TIMM22: variants seen among roughly 807,000 people sequenced by gnomAD.
TIMM22 encodes the protein translocase of inner mitochondrial membrane 22.
A neutral mutation model predicts 18.3 loss-of-function variants in TIMM22; 12 were observed. That is an observed-to-expected ratio of 0.65 (90% CI 0.42 to 1.06). TIMM22 has a LOEUF of 1.06. TIMM22 is among the 50% of genes least tolerant of loss of function. The probability of loss-of-function intolerance (pLI) is 0.00; values close to 1 mark genes in which losing one functional copy is unlikely to be tolerated. For missense variants in TIMM22, 278 were observed against 252.8 expected, an observed-to-expected ratio of 1.10 and a Z score of -0.68; for synonymous variants, 107 against 98.5, an observed-to-expected ratio of 1.09 and a Z score of -0.51.
chr17:1,001,007 G>T lies in TIMM22; in HGVS notation c.509-5G>T. 1 of 1,614,004 alleles carries T rather than the reference G, an allele frequency of 6.2e-7. No homozygotes were observed. The highest frequency in any genetic ancestry group is 1.1e-5 in the South Asian group (1 of 91,050). ...CAGGTCATGTTCTTTCTGTTTGTTT[G>T]ACAGCTGGCTTAAAGGCTGGGGCCA... On this transcript the variant is annotated splice_region_variant and splice_polypyrimidine_tract_variant and intron_variant, in intron 3 of 3. Transcript: ENST00000327158.
chr17:1,001,174 TGCTTCAGGGCCTG>T lies in TIMM22; in HGVS notation c.*87_*99del, dbSNP rs2069741207. ...CAGTTTCTGTACCACACCAGGGCCT[TGCTTCAGGGCCTG>T]AAGACATTCATTTTCCCTCATGTCG... On this transcript the variant is annotated 3_prime_UTR_variant, in exon 4 of 4. Coordinates refer to ENST00000327158, the MANE Select transcript of TIMM22 (RefSeq NM_013337.4). The T allele has an allele frequency of 7.1e-7, 1 of 1,409,022 alleles. No homozygotes were observed. The highest frequency in any genetic ancestry group is 1.2e-5 in the South Asian group (1 of 86,162). The allele number at this position is 1,409,022 out of a possible 1,614,324, so 87.3% of individuals were successfully genotyped here.
At position 999,534 on chromosome 17, in the gene TIMM22, A is replaced by G. The variant is rs1426360242; in HGVS notation, c.458A>G (p.Lys153Arg). 1.9e-6 allele frequency: 3 copies of G among 1,613,632 alleles called. No individual in the cohort carries two copies. In the South Asian group the frequency reaches 3.3e-5, roughly 18 times the overall value. Residue 153 changes from lysine (K) to arginine (R), a missense_variant, in exon 3 of 4, where the codon AAG becomes AGG. By Grantham distance (26) the Lys-to-Arg change is conservative. Coordinates refer to ENST00000327158, the MANE Select transcript of TIMM22 (RefSeq NM_013337.4). ...CAGTACCGGGGAACATCAGACTGGA[A>G]GAACAGTGTCATCAGTGGCTGCATC... is the stretch of plus-strand genomic sequence containing the variant. Reference protein sequence around the residue: ...IESYRGTSDWKNSVISGCITG... With the variant: ...IESYRGTSDWRNSVISGCITG...
At position 999,475 on chromosome 17, in the gene TIMM22, G is replaced by C. The variant is rs754393694; in HGVS notation, c.436-37G>C. On this transcript the variant is annotated intron_variant, in intron 2 of 3. Coordinates refer to ENST00000327158, the MANE Select transcript of TIMM22 (RefSeq NM_013337.4). ...CCTCCTTAATGGTCTGCCTTGGCTTGTTTCTTTGGCTCTAACGTGTACTTC... is the reference window on the plus strand; with the variant it reads ...CCTCCTTAATGGTCTGCCTTGGCTTCTTTCTTTGGCTCTAACGTGTACTTC... The C allele has an allele frequency of 8.1e-6, 13 of 1,610,448 alleles. No individual in the cohort carries two copies. The East Asian group carries it at 2.7e-4, about 33-fold the overall frequency.
chr17:998,326 G>C (rs1009391046), intron 1 of TIMM22, among the ~76,000 whole-genome samples: 1 of 152,178 alleles, frequency 6.6e-6, no homozygotes, highest in African/African-American at 2.4e-5. Context: ...TAACCTCTCT[G>C]AGCCTCAGTT....
At chr17:1,000,904 C>A in intron 3 of TIMM22, 108 bp from the exon 4 acceptor site, 1 of 1,061,308 alleles carries the variant, frequency 9.4e-7, no homozygotes, top group South Asian at 1.3e-5. Context: ...GAATGACTTA[C>A]AGTGCTTAAG....
Position 999,323 on chromosome 17 carries a change from C to CTATATATA in TIMM22, c.436-160_436-153dup, listed in dbSNP as rs57081954. On this transcript the variant is annotated intron_variant, in intron 2 of 3. Transcript: ENST00000327158. ...TGCAGGAAGCATCTATGAACGCATA[C>CTATATATA]TATATATATATATATATATATATAT... Among the ~76,000 whole-genome samples, 1,042 of 120,256 alleles carry CTATATATA rather than the reference C, an allele frequency of 8.7e-3. 6 individuals carry two copies. The highest frequency in any genetic ancestry group is 0.01 in the African/African-American group (277 of 26,688). The allele number at this position is 120,256 out of a possible 152,430, so 78.9% of individuals were successfully genotyped here.
In TIMM22 at chr17:1,002,327, TCTC is replaced by T. The variant is rs1475499599; in HGVS notation, c.*1242_*1244del. The T allele has an allele frequency of 6.6e-6, 1 of 151,766 alleles. No homozygotes were observed. Among genetic ancestry groups the T allele is most frequent in the African/African-American group, 2.4e-5 (1 of 41,252 alleles). 9.4% of individuals were successfully genotyped at this position (151,766 alleles called of 1,614,324 possible). ...GGCACCTTCAGCCAGTGGTGATGAG[TCTC>T]CTTTTTCCTATAATACGGTAATTCC... is the stretch of plus-strand genomic sequence containing the variant. On this transcript the variant is annotated 3_prime_UTR_variant, in exon 4 of 4. Coordinates refer to ENST00000327158, the MANE Select transcript of TIMM22 (RefSeq NM_013337.4).
chr17:998,711 A>G, intron 1 of TIMM22, 68 bp from the exon 2 acceptor site: 1 of 1,530,090 alleles, frequency 6.5e-7, no homozygotes, highest in Non-Finnish European at 8.9e-7. Context: ...GGTCCCTTCC[A>G]GGATGATCCC....
Position 999,558 on chromosome 17 carries a change from T to A in TIMM22, c.482T>A (p.Ile161Asn), listed in dbSNP as rs762179459. 6.2e-7 allele frequency: 1 copy of A among 1,613,672 alleles called. No individual in the cohort carries two copies. Among genetic ancestry groups the A allele is most frequent in the South Asian group, 1.1e-5 (1 of 91,008 alleles). Residue 161 changes from isoleucine to asparagine, a missense_variant, in exon 3 of 4, where the codon ATC becomes AAC. Transcript: ENST00000327158. ...DWKNSVISGC[I>N]TGGAIGFRAG... ...AAGAACAGTGTCATCAGTGGCTGCA[T>A]CACGGGAGGAGCTATTGGTTTCAGA... is the stretch of plus-strand genomic sequence containing the variant.
At chr17:1,000,878 A>G in intron 3 of TIMM22, 134 bp from the exon 4 acceptor site, 1 of 842,680 alleles carries the variant, frequency 1.2e-6, no homozygotes, top group Non-Finnish European at 2.0e-6. Context: ...GATGTCTTCC[A>G]GAGCTATGAT....
chr17:998,380 G>T (rs567104260), intron 1 of TIMM22, among the ~76,000 whole-genome samples: 1 of 152,292 alleles, frequency 6.6e-6, no homozygotes, highest in South Asian at 2.1e-4. Flanking sequence ...CTGGATTATT[G>T]TGAAGAATGA....
chr17:997,779 T>C (rs2069698925), intron 1 of TIMM22, among the ~76,000 whole-genome samples: 1 of 152,152 alleles, frequency 6.6e-6, no homozygotes, highest in African/African-American at 2.4e-5. Flanking sequence ...GCCACTGCTC[T>C]CCAGCCTGGG....
chr17:997,312 A>G lies in TIMM22; in HGVS notation c.170A>G (p.Glu57Gly). The G allele has an allele frequency of 6.2e-7, 1 of 1,613,896 alleles. No homozygotes were observed. Among genetic ancestry groups the G allele is most frequent in the Non-Finnish European group, 8.5e-7 (1 of 1,179,986 alleles). The stretch of plus-strand genomic sequence containing the variant: ...GGGATCCCAAGTCCAGCCAAGAGTG[A>G]GGAGCAGAAGATGATCGAGAAGGCG... ...LGGIPSPAKS[E>G]EQKMIEKAME... The change falls in exon 1 of 4, where the codon GAG becomes GGG. Residue 57 changes from glutamate to glycine, a missense_variant. Transcript: ENST00000327158.
intron 3 of TIMM22, among the ~76,000 whole-genome samples, chr17:1,000,579 G>A (rs9896110): frequency 0.76 from 115,327 of 152,046 alleles, 44,160 homozygotes; most frequent in Middle Eastern, 0.85. Flanking sequence ...TTATGATGAC[G>A]GACTGACTTC....
rs1189671941 is a variant in TIMM22 at position 998,818 on chromosome 17, G to C, written c.278G>C (p.Gly93Ala). 3 of 1,614,058 alleles carry C rather than the reference G, an allele frequency of 1.9e-6. No homozygotes were observed. Among genetic ancestry groups the C allele is most frequent in the Non-Finnish European group, 2.5e-6 (3 of 1,179,974 alleles). The change falls in exon 2 of 4, where the codon GGC becomes GCC. Residue 93 changes from glycine to alanine, a missense_variant. By Grantham distance (60) the Gly-to-Ala change is moderately conservative. Transcript: ENST00000327158. Reference sequence around the variant, plus strand: ...GGTGCATTTGGGGTGTTTACCGCTGGCATCGATACCAACGTGGGCTTTGAC... The same window carrying C: ...GGTGCATTTGGGGTGTTTACCGCTGCCATCGATACCAACGTGGGCTTTGAC... ...LGGAFGVFTA[G>A]IDTNVGFDPK...
At position 998,953 on chromosome 17, in the gene TIMM22, G is replaced by C. The variant is rs779402678; in HGVS notation, c.413G>C (p.Cys138Ser). ...GCCATTGTGGGAGCCATGTTTTCTTGTACTGAGTGTTTGATAGAATCTGTA... is the reference window on the plus strand; with the variant it reads ...GCCATTGTGGGAGCCATGTTTTCTTCTACTGAGTGTTTGATAGAATCTGTA... ...NFAIVGAMFS[C>S]TECLIESYRG... The change falls in exon 2 of 4, where the codon TGT becomes TCT. Residue 138 changes from cysteine (C) to serine (S), a missense_variant. Transcript: ENST00000327158. 7.4e-6 allele frequency: 12 copies of C among 1,613,742 alleles called. No individual in the cohort carries two copies. Among genetic ancestry groups the C allele is most frequent in the Non-Finnish European group, 1.0e-5 (12 of 1,179,772 alleles).
At position 998,917 on chromosome 17, in the gene TIMM22, C is replaced by G. The variant is rs1482387036; in HGVS notation, c.377C>G (p.Ala126Gly). Residue 126 changes from alanine to glycine, a missense_variant, in exon 2 of 4, where the codon GCC becomes GGC. Ala to Gly is a moderately conservative substitution (Grantham distance 60, BLOSUM62 0). Transcript: ENST00000327158. Reference sequence around the variant, plus strand: ...ATGGGGCAGAGAGGAATGTCCTATGCCAAAAATTTCGCCATTGTGGGAGCC... The same window carrying G: ...ATGGGGCAGAGAGGAATGTCCTATGGCAAAAATTTCGCCATTGTGGGAGCC... ...KDMGQRGMSY[A>G]KNFAIVGAMF... The G allele has an allele frequency of 1.2e-6, 2 of 1,614,058 alleles. No homozygotes were observed. Among genetic ancestry groups the G allele is most frequent in the Non-Finnish European group, 8.5e-7 (1 of 1,179,978 alleles).
rs780458404 is a variant in TIMM22 at position 999,563 on chromosome 17, G to A, written c.487G>A (p.Gly163Arg). Residue 163 changes from glycine to arginine, a missense_variant, in exon 3 of 4, where the codon GGA becomes AGA. Gly to Arg is a moderately radical substitution (Grantham distance 125). Coordinates refer to ENST00000327158, the MANE Select transcript of TIMM22 (RefSeq NM_013337.4). ...CAGTGTCATCAGTGGCTGCATCACG[G>A]GAGGAGCTATTGGTTTCAGAGGTTA... is the stretch of plus-strand genomic sequence containing the variant. Reference protein sequence around the residue: ...KNSVISGCITGGAIGFRAGLK... With the variant: ...KNSVISGCITRGAIGFRAGLK... The A allele has an allele frequency of 3.1e-6, 5 of 1,613,444 alleles. No individual in the cohort carries two copies. Among genetic ancestry groups the A allele is most frequent in the South Asian group, 1.1e-5 (1 of 90,980 alleles).
intron 1 of TIMM22, among the ~76,000 whole-genome samples, chr17:997,740 G>A (rs573538967): frequency 3.7e-4 from 57 of 152,318 alleles, no homozygotes; most frequent in Non-Finnish European, 1.6e-4. Flanking sequence ...TTGAACCCAG[G>A]AGGCGGAGCT....
Sources: allele counts gnomAD v4.1 joint callset (sites outside exome capture counted in the v4.1 genomes callset), GRCh38; gene constraint gnomAD v4.1.1; transcripts MANE v1.5; gene names NCBI Gene and HGNC (gene_info 2026-07-23, HGNC 2026-07-21).